KIR3DL1: variants seen among roughly 807,000 people sequenced by gnomAD.
KIR3DL1 encodes the protein killer cell immunoglobulin-like receptor 3DL1.
In KIR3DL1, 50 loss-of-function variants were observed where a neutral mutation model predicts 40.3. The observed-to-expected ratio is 1.24, with a 90% CI of 0.99 to 1.57. The LOEUF is 1.57. Ranked by LOEUF, KIR3DL1 falls within the 40% of genes most tolerant of loss-of-function variation. The pLI, the probability that KIR3DL1 is intolerant of heterozygous loss-of-function variation, is 0.00. For synonymous variants in KIR3DL1, 257 were observed against 207.2 expected (o/e 1.24, Z -2.07); for missense variants, 661 against 559.9 (o/e 1.18, Z -1.82).
rs193921077 is a variant in KIR3DL1 at position 54,821,718 on chromosome 19, G to A, written c.809G>A (p.Arg270His). Residue 270 changes from arginine to histidine, a missense_variant, in exon 5 of 9, where the codon CGC (arginine) becomes CAC (histidine). Arg to His is a conservative substitution (Grantham distance 29). Coordinates refer to ENST00000391728, the Ensembl canonical transcript of KIR3DL1. ...CATGAACGTAGGCTCCCTGCAGTGC[G>A]CAAGGTCAACAGAACATTCCAGGCA... 105 of 1,608,412 alleles carry A rather than the reference G, an allele frequency of 6.5e-5. 3 individuals are homozygous for A. Among genetic ancestry groups the A allele is most frequent in the South Asian group, 6.2e-4 (56 of 90,612 alleles).
In KIR3DL1 at chr19:54,828,704, T is replaced by C. The variant is rs1346721954; in HGVS notation, c.1001-657T>C. ...AGCCCAGGCTGTTCTGGGACAATCC[T>C]CCTGATCTCAGGACTTTGCTGTCTT... On this transcript the variant is annotated intron_variant, in intron 6 of 8. Coordinates refer to ENST00000391728, the Ensembl canonical transcript of KIR3DL1. Among the ~76,000 whole-genome samples, 15 of 148,890 alleles carry C rather than the reference T, an allele frequency of 1.0e-4. 2 individuals are homozygous for C. The highest frequency in any genetic ancestry group is 3.8e-4 in the African/African-American group (15 of 39,972).
chr19:54,820,029 A>G lies in KIR3DL1; in HGVS notation c.655+17A>G. On this transcript the variant is annotated intron_variant, in intron 4 of 8. Coordinates refer to ENST00000391728, the Ensembl canonical transcript of KIR3DL1. ...TGGTCACAGGTGAGAGTGTCTAGAC[A>G]TTGTTCTCATTGTCACTGGGACACA... 2 of 1,603,610 alleles carry G rather than the reference A, an allele frequency of 1.2e-6. No individual in the cohort carries two copies. The highest frequency in any genetic ancestry group is 4.5e-5 in the East Asian group (2 of 44,468).
chr19:54,818,374 C>A (rs1343492596), exon 3 of KIR3DL1: 3 of 1,606,638 alleles, frequency 1.9e-6, no homozygotes, highest in African/African-American at 2.8e-5. Context: ...TCGAGGAGGA[C>A]ACGTGACTCT....
chr19:54,819,031 C>A (rs1417981043), intron 3 of KIR3DL1, among the ~76,000 whole-genome samples: 3 of 151,118 alleles, frequency 2.0e-5, no homozygotes, highest in Admixed American at 1.3e-4. Flanking sequence ...CCACTAGTCA[C>A]AGAATGCAGG....
At chr19:54,819,684 C>A in intron 3 of KIR3DL1, 29 bp from the exon 4 acceptor site, 1 of 1,597,068 alleles carries the variant, frequency 6.3e-7, no homozygotes, top group Non-Finnish European at 8.5e-7. Flanking sequence ...AAGAGAGATG[C>A]CTTCTAAACT....
At chr19:54,825,393 T>G (rs1244784014) in intron 6 of KIR3DL1, among the ~76,000 whole-genome samples, 7 of 149,736 alleles carry the variant, frequency 4.7e-5, no homozygotes, top group Non-Finnish European at 1.0e-4. Context: ...TCCTGGGGAC[T>G]TGAGAGAGGG....
chr19:54,828,777 T>C (rs2062042324), intron 6 of KIR3DL1, among the ~76,000 whole-genome samples: 1 of 141,994 alleles, frequency 7.0e-6, no homozygotes, highest in East Asian at 2.1e-4. Flanking sequence ...GGGTAACTTC[T>C]AAAGAAGAGA....
exon 4 of KIR3DL1, chr19:54,819,729 T>C: frequency 6.2e-7 from 1 of 1,608,792 alleles, no homozygotes; most frequent in Non-Finnish European, 8.5e-7. Flanking sequence ...ACAGAAAACC[T>C]TCCCTCCTGG....
intron 2 of KIR3DL1, among the ~76,000 whole-genome samples, chr19:54,817,943 G>T (rs1369582275): frequency 6.8e-6 from 1 of 147,106 alleles, no homozygotes; most frequent in Non-Finnish European, 1.5e-5. Flanking sequence ...ACCAGAAAAG[G>T]TGAGGAAACC....
chr19:54,818,208 T>G, intron 2 of KIR3DL1, 107 bp from the exon 3 acceptor site: 1 of 1,232,590 alleles, frequency 8.1e-7, no homozygotes, highest in Non-Finnish European at 1.1e-6. Flanking sequence ...GGCACCCAGG[T>G]GTGGTAGGAG....
chr19:54,828,508 C>T (rs2148194777), intron 6 of KIR3DL1, among the ~76,000 whole-genome samples: 1 of 151,140 alleles, frequency 6.6e-6, no homozygotes, highest in Admixed American at 6.6e-5. Flanking sequence ...TCAATGTGAG[C>T]CAGTTCCCCA....
chr19:54,824,415 A>G (rs1389086044), intron 5 of KIR3DL1, among the ~76,000 whole-genome samples: 1 of 151,448 alleles, frequency 6.6e-6, no homozygotes, highest in African/African-American at 2.4e-5. Flanking sequence ...GGTGGCTCAC[A>G]CCTGCAATTC....
At chr19:54,818,090 A>C (rs1443046077) in intron 2 of KIR3DL1, among the ~76,000 whole-genome samples, 2 of 122,580 alleles carry the variant, frequency 1.6e-5, no homozygotes, top group Non-Finnish European at 3.3e-5. Flanking sequence ...TTGCAGTATT[A>C]AAATCTAGTA....
chr19:54,828,409 T>A (rs1266426473), intron 6 of KIR3DL1, among the ~76,000 whole-genome samples: 1 of 151,062 alleles, frequency 6.6e-6, no homozygotes, highest in African/African-American at 2.5e-5. Context: ...TCACCGTCAC[T>A]CCAGGGAGAC....
intron 4 of KIR3DL1, among the ~76,000 whole-genome samples, chr19:54,821,267 TGA>T (rs2061619248): frequency 6.6e-6 from 1 of 150,524 alleles, no homozygotes; most frequent in Non-Finnish European, 1.5e-5. Context: ...AGACAGAAAG[TGA>T]GAGACTCAAA....
chr19:54,828,073 G>A (rs1301904469), intron 6 of KIR3DL1, among the ~76,000 whole-genome samples: 1 of 150,658 alleles, frequency 6.6e-6, no homozygotes, highest in East Asian at 1.9e-4. Flanking sequence ...GCAATAGATA[G>A]TCGAGGGGGT....
rs1433740194 is a variant in KIR3DL1 at position 54,819,893 on chromosome 19, A to G, written c.536A>G (p.Asn179Ser). Reference sequence around the variant, plus strand: ...ATCCATGATGGGGTCTCCAAGGCCAATTTCTCCATCGGTCCCATGATGCTT... The same window carrying G: ...ATCCATGATGGGGTCTCCAAGGCCAGTTTCTCCATCGGTCCCATGATGCTT... The change falls in exon 4 of 9, where the codon AAT becomes AGT. Residue 179 changes from asparagine (N) to serine (S), a missense_variant. Physicochemically the swap from Asn to Ser is conservative, Grantham distance 46 (BLOSUM62 1). Coordinates refer to ENST00000391728, the Ensembl canonical transcript of KIR3DL1. The G allele has an allele frequency of 3.1e-5, 50 of 1,612,138 alleles. 1 individual carries two copies. The Admixed American group carries it at 8.3e-4, about 27-fold the overall frequency.
intron 6 of KIR3DL1, among the ~76,000 whole-genome samples, chr19:54,828,819 T>C (rs2062045587): frequency 7.0e-6 from 1 of 143,274 alleles, no homozygotes; most frequent in Admixed American, 7.1e-5. Flanking sequence ...CAGGCTGTAC[T>C]GGAAGCATGG....
Position 54,821,838 on chromosome 19 carries a change from C to T in KIR3DL1, c.929C>T (p.Pro310Leu), listed in dbSNP as rs752737081. Residue 310 changes from proline to leucine, a missense_variant, in exon 5 of 9, where the codon CCA (proline) becomes CTA (leucine). Physicochemically the swap from Pro to Leu is moderately conservative, Grantham distance 98. Coordinates refer to ENST00000391728, the Ensembl canonical transcript of KIR3DL1. ...TACGAGTGGTCAGACCCGAGTGACCCACTGCTTGTTTCTGTCACAGGTGAG... is the reference window on the plus strand; with the variant it reads ...TACGAGTGGTCAGACCCGAGTGACCTACTGCTTGTTTCTGTCACAGGTGAG... 7.5e-6 allele frequency: 12 copies of T among 1,602,100 alleles called. 1 individual carries two copies. In the South Asian group the frequency reaches 8.8e-5, roughly 12 times the overall value.
Sources: gnomAD v4.1 joint callset for allele counts (sites outside exome capture counted in the v4.1 genomes callset) on GRCh38, gnomAD v4.1.1 for gene constraint, MANE v1.5 for transcripts, NCBI Gene and HGNC (gene_info 2026-07-23, HGNC 2026-07-21) for gene names.